SECISBP2L: variants seen among roughly 807,000 people sequenced by gnomAD.
SECISBP2L encodes selenocysteine insertion sequence-binding protein 2-like.
A neutral mutation model predicts 114.7 loss-of-function variants in SECISBP2L; 43 were observed. The ratio of observed to expected loss-of-function variants is 0.38; its 90% CI spans 0.29 to 0.48. The LOEUF (loss-of-function observed/expected upper bound fraction) is 0.48. Among genes scored for constraint, SECISBP2L ranks in the 20% least tolerant of loss-of-function variants. The pLI is 0.98. For synonymous variants in SECISBP2L, 451 were observed against 439.7 expected (o/e 1.03, Z -0.32); for missense variants, 1,136 against 1,301.1 (o/e 0.87, Z 1.95).
chr15:49,019,148 G>A (rs1902592329), intron 8 of SECISBP2L, among the ~76,000 whole-genome samples: 1 of 152,088 alleles, frequency 6.6e-6, no homozygotes. Flanking sequence ...AAGTCCACAT[G>A]AAATCAAGTT....
At chr15:49,035,193 A>C (rs1425021730) in intron 3 of SECISBP2L, 141 bp downstream of exon 3, 1 of 680,678 alleles carries the variant, frequency 1.5e-6, no homozygotes, top group Non-Finnish European at 2.4e-6. Context: ...TAAGAATTAC[A>C]TACCCTTTAC....
chr15:48,996,942 T>G (rs1172044352), intron 16 of SECISBP2L, among the ~76,000 whole-genome samples: 1 of 152,186 alleles, frequency 6.6e-6, no homozygotes, highest in Non-Finnish European at 1.5e-5. Flanking sequence ...GAACCTTCTA[T>G]GTGGCTAGAA....
chr15:49,012,671 T>C lies in SECISBP2L; in HGVS notation c.1708A>G (p.Lys570Glu). ...ACCTTTTTAAGTGCTGTGGGTCGTT[T>C]TAGTTTTGCAATTTCCTTCTCTTTT... ...KGKEKEIAKL[K>E]RPTALKKVIL... Residue 570 changes from lysine to glutamate, a missense_variant, in exon 12 of 18, where the codon AAA (lysine) becomes GAA (glutamate). Physicochemically the swap from Lys to Glu is moderately conservative, Grantham distance 56 (BLOSUM62 1). Transcript: ENST00000559471. 6.2e-7 allele frequency: 1 copy of C among 1,613,376 alleles called. No homozygotes were observed. The highest frequency in any genetic ancestry group is 1.1e-5 in the South Asian group (1 of 90,998).
intron 11 of SECISBP2L, among the ~76,000 whole-genome samples, chr15:49,014,828 T>C (rs1425097422): frequency 2.7e-5 from 4 of 148,638 alleles, no homozygotes; most frequent in South Asian, 2.1e-4. Context: ...ATATTAACAG[T>C]ATATGTATAA....
chr15:48,988,688 T>G lies in SECISBP2L; in HGVS notation c.*3556A>C. The G allele has an allele frequency of 2.2e-6, 1 of 445,492 alleles. No individual in the cohort carries two copies. The highest frequency in any genetic ancestry group is 1.6e-5 in the South Asian group (1 of 62,458). 27.6% of individuals were successfully genotyped at this position (445,492 alleles called of 1,614,324 possible). A position where few individuals can be genotyped will look rare whatever the true frequency, so the allele number is the denominator to read the frequency against. On this transcript the variant is annotated 3_prime_UTR_variant, in exon 18 of 18. Coordinates refer to ENST00000559471, the MANE Select transcript of SECISBP2L (RefSeq NM_001193489.2). ...GTACAGAAGAATCCCCACTAGTATT[T>G]ACATAGTGCAAAAAAGCTGTTATTA...
rs150833606 is a variant in SECISBP2L at position 49,005,664 on chromosome 15, T to A, written c.2027+3552A>T. On this transcript the variant is annotated intron_variant, in intron 14 of 17. Coordinates refer to ENST00000559471, the MANE Select transcript of SECISBP2L (RefSeq NM_001193489.2). ...TGTGTGTCTTTGCACGTGAGATGGG[T>A]CTCCTGAATACAGGACACCAATGGG... Among the ~76,000 whole-genome samples the A allele has an allele frequency of 2.5e-3, 370 of 147,606 alleles. 1 individual carries two copies. Among genetic ancestry groups the A allele is most frequent in the African/African-American group, 8.9e-3 (354 of 39,684 alleles).
intron 14 of SECISBP2L, among the ~76,000 whole-genome samples, chr15:49,006,118 C>T (rs1902318521): frequency 6.6e-6 from 1 of 152,220 alleles, no homozygotes; most frequent in African/African-American, 2.4e-5. Context: ...GAGAGACCCG[C>T]TGTTAGACTG....
At chr15:49,015,271 T>C (rs770787902) in intron 11 of SECISBP2L, among the ~76,000 whole-genome samples, 7 of 152,124 alleles carry the variant, frequency 4.6e-5, no homozygotes, top group Non-Finnish European at 7.4e-5. Flanking sequence ...TCAGTTTTAT[T>C]CCCTATTTTT....
intron 14 of SECISBP2L, among the ~76,000 whole-genome samples, chr15:49,003,089 A>T (rs1902243994): frequency 6.6e-6 from 1 of 152,186 alleles, no homozygotes; most frequent in Non-Finnish European, 1.5e-5. Flanking sequence ...TGAGCATGGA[A>T]TGTTTTTCAA....
At chr15:49,038,750 A>C (rs1253901919) in intron 1 of SECISBP2L, among the ~76,000 whole-genome samples, 1 of 152,176 alleles carries the variant, frequency 6.6e-6, no homozygotes, top group Non-Finnish European at 1.5e-5. Flanking sequence ...TCTGTAAAAA[A>C]TCATATAAAT....
chr15:49,037,488 G>A, intron 2 of SECISBP2L, 103 bp downstream of exon 2: 2 of 995,730 alleles, frequency 2.0e-6, no homozygotes, highest in Non-Finnish European at 2.9e-6. Flanking sequence ...TCTTAATAGA[G>A]AAATGGTTAA....
chr15:49,019,349 T>C (rs1902596276), intron 8 of SECISBP2L, 69 bp downstream of exon 8: 2 of 1,221,010 alleles, frequency 1.6e-6, no homozygotes, highest in Non-Finnish European at 2.1e-6. Flanking sequence ...ATGTTCACAA[T>C]GTAACAAATT....
intron 14 of SECISBP2L, among the ~76,000 whole-genome samples, chr15:49,007,529 A>G (rs1902349334): frequency 6.6e-6 from 1 of 152,230 alleles, no homozygotes; most frequent in Admixed American, 6.5e-5. Context: ...GTCTGGCTAC[A>G]GCAGCTTTGC....
intron 1 of SECISBP2L, among the ~76,000 whole-genome samples, chr15:49,040,306 C>T (rs879728314): frequency 1.1e-4 from 17 of 151,988 alleles, no homozygotes; most frequent in Middle Eastern, 3.2e-3. Flanking sequence ...TTGTTTTTAG[C>T]ACACACACAA....
At chr15:49,000,444 G>A (rs1306606110) in intron 15 of SECISBP2L, among the ~76,000 whole-genome samples, 1 of 152,154 alleles carries the variant, frequency 6.6e-6, no homozygotes, top group Non-Finnish European at 1.5e-5. Flanking sequence ...GTCACCTAAA[G>A]TTGCCCATCG....
At chr15:49,041,688 C>T (rs575401825) in intron 1 of SECISBP2L, among the ~76,000 whole-genome samples, 7 of 152,262 alleles carry the variant, frequency 4.6e-5, no homozygotes, top group African/African-American at 1.7e-4. Context: ...TGGAACATAA[C>T]GAGACACTCT....
At position 48,991,678 on chromosome 15, in the gene SECISBP2L, T is replaced by G. The variant is rs976197230; in HGVS notation, c.*566A>C. On this transcript the variant is annotated 3_prime_UTR_variant, in exon 18 of 18. Coordinates refer to ENST00000559471, the MANE Select transcript of SECISBP2L (RefSeq NM_001193489.2). ...GTTTTGAAGGCTCTGTTTTAGCCCA[T>G]CCCAACACTAATTAATTACAATAAT... The G allele has an allele frequency of 1.3e-5, 2 of 152,696 alleles. No individual in the cohort carries two copies. Among genetic ancestry groups the G allele is most frequent in the Non-Finnish European group, 1.5e-5 (1 of 68,256 alleles). The allele number at this position is 152,696 out of a possible 1,614,324, so 9.5% of individuals were successfully genotyped here.
chr15:49,019,578 A>G, intron 7 of SECISBP2L, 26 bp from the exon 8 acceptor site: 1 of 1,426,812 alleles, frequency 7.0e-7, no homozygotes, highest in Non-Finnish European at 9.1e-7. Context: ...AGGGGAAAAA[A>G]AATCTAATTA....
chr15:49,006,870 A>G (rs188341479), intron 14 of SECISBP2L, among the ~76,000 whole-genome samples: 157 of 152,110 alleles, frequency 1.0e-3, no homozygotes, highest in African/African-American at 3.6e-3. Flanking sequence ...GGAGGAGAAG[A>G]GGTATTCTGG....
Sources: allele counts gnomAD v4.1 joint callset (sites outside exome capture counted in the v4.1 genomes callset), GRCh38; gene constraint gnomAD v4.1.1; transcripts MANE v1.5; gene names NCBI Gene and HGNC (gene_info 2026-07-23, HGNC 2026-07-21).